GALNTL6: variants seen among roughly 807,000 people sequenced by gnomAD.
GALNTL6 encodes polypeptide N-acetylgalactosaminyltransferase-like 6.
GALNTL6 carries 46 observed loss-of-function variants against 73.7 expected under a neutral mutation model. That is an observed-to-expected ratio of 0.62 (90% CI 0.49 to 0.80). The LOEUF is 0.80. Among genes scored for constraint, GALNTL6 ranks in the 30% least tolerant of loss-of-function variants. The pLI is 0.00. For synonymous variants in GALNTL6, 259 were observed against 263.7 expected, an observed-to-expected ratio of 0.98 and a Z score of 0.17; for missense variants, 604 against 755.0, an observed-to-expected ratio of 0.80 and a Z score of 2.34.
chr4:172,671,564 A>C (rs1248700991), intron 5 of GALNTL6, among the ~76,000 whole-genome samples: 1 of 152,212 alleles, frequency 6.6e-6, no homozygotes, highest in Non-Finnish European at 1.5e-5. Flanking sequence ...TTTTTGGCTG[A>C]GACTACGGGG....
chr4:172,597,193 T>C (rs558614809), intron 5 of GALNTL6, among the ~76,000 whole-genome samples: 1 of 152,284 alleles, frequency 6.6e-6, no homozygotes, highest in East Asian at 1.9e-4. Context: ...ACAAAACTAA[T>C]GGATTTGCTA....
At chr4:172,206,803 C>A (rs28546705) in intron 2 of GALNTL6, among the ~76,000 whole-genome samples, 1 of 13,402 alleles carries the variant, frequency 7.5e-5, no homozygotes, top group African/African-American at 1.6e-4. Context: ...TTTTGTTTTT[C>A]TGTTTTTTTT....
rs533627728 is a variant in GALNTL6, at chr4:172,588,496, A to G, written c.554-220865A>G. Among the ~76,000 whole-genome samples, 8 of 151,786 alleles carry G rather than the reference A, an allele frequency of 5.3e-5. No individual in the cohort carries two copies. In the East Asian group the frequency reaches 1.6e-3, roughly 30 times the overall value. ...GTTGCCCCAGCTACTTGGGAGTCTA[A>G]GGTGCAGGAATCACCTGAGCCCGGG... On this transcript the variant is annotated intron_variant, in intron 5 of 12. Coordinates refer to ENST00000506823, the MANE Select transcript of GALNTL6 (RefSeq NM_001034845.3).
chr4:172,869,803 C>T (rs1489515569), intron 7 of GALNTL6, among the ~76,000 whole-genome samples: 1 of 152,186 alleles, frequency 6.6e-6, no homozygotes, highest in Non-Finnish European at 1.5e-5. Context: ...GAAGTGGACT[C>T]TACCCTCTGC....
chr4:171,955,440 T>C (rs1008372736), intron 2 of GALNTL6, among the ~76,000 whole-genome samples: 5 of 152,042 alleles, frequency 3.3e-5, no homozygotes, highest in South Asian at 2.1e-4. Flanking sequence ...TCATGAAAGA[T>C]TGGCTCCAGG....
chr4:172,658,233 G>A (rs1010696226), intron 5 of GALNTL6, among the ~76,000 whole-genome samples: 7 of 148,548 alleles, frequency 4.7e-5, no homozygotes, highest in Admixed American at 2.0e-4. Context: ...TTGGGAGGCC[G>A]AGACGGGTGG....
At chr4:172,371,959 T>C (rs1742828992) in intron 5 of GALNTL6, among the ~76,000 whole-genome samples, 2 of 152,204 alleles carry the variant, frequency 1.3e-5, no homozygotes, top group Non-Finnish European at 1.5e-5. Flanking sequence ...AGCATGGGCA[T>C]GTAGGATTAG....
chr4:171,963,029 G>T (rs960780056), intron 2 of GALNTL6, among the ~76,000 whole-genome samples: 1 of 150,164 alleles, frequency 6.7e-6, no homozygotes, highest in Non-Finnish European at 1.5e-5. Flanking sequence ...GCCTCCCAAA[G>T]TGCTGGGATT....
chr4:172,104,194 C>T (rs965425988), intron 2 of GALNTL6, among the ~76,000 whole-genome samples: 3 of 152,260 alleles, frequency 2.0e-5, no homozygotes, highest in East Asian at 1.9e-4. Context: ...CCGCCCGCCT[C>T]GGCCTCCCAA....
At chr4:172,448,036 A>G (rs1233134418) in intron 5 of GALNTL6, among the ~76,000 whole-genome samples, 1 of 152,156 alleles carries the variant, frequency 6.6e-6, no homozygotes, top group African/African-American at 2.4e-5. Context: ...TATTTTTTTA[A>G]TGTTTCTAAA....
At chr4:172,206,780 T>C (rs1736126073) in intron 2 of GALNTL6, among the ~76,000 whole-genome samples, 2 of 79,044 alleles carry the variant, frequency 2.5e-5, no homozygotes, top group Non-Finnish European at 5.8e-5. Flanking sequence ...AACGTGTTTT[T>C]TGTTTTGTTT....
chr4:172,421,829 G>T (rs576554220), intron 5 of GALNTL6, among the ~76,000 whole-genome samples: 1 of 152,024 alleles, frequency 6.6e-6, no homozygotes, highest in African/African-American at 2.4e-5. Context: ...CTGAATATTT[G>T]CCCCCAGACA....
chr4:172,090,034 TC>T (rs1172315708), intron 2 of GALNTL6, among the ~76,000 whole-genome samples: 1 of 152,198 alleles, frequency 6.6e-6, no homozygotes, highest in Non-Finnish European at 1.5e-5. Context: ...TATGAACTCA[TC>T]CTTTTTATGG....
intron 7 of GALNTL6, among the ~76,000 whole-genome samples, chr4:172,874,109 A>T (rs1047685716): frequency 1.3e-5 from 2 of 152,236 alleles, no homozygotes; most frequent in Admixed American, 1.3e-4. Context: ...CCCATGAATG[A>T]AAAGTTATAT....
intron 5 of GALNTL6, among the ~76,000 whole-genome samples, chr4:172,471,368 TC>T: frequency 6.6e-6 from 1 of 152,352 alleles, no homozygotes; most frequent in Non-Finnish European, 1.5e-5. Flanking sequence ...AAAACACTAG[TC>T]CTAGATATTT....
At chr4:172,352,537 C>A (rs1452789342) in intron 5 of GALNTL6, among the ~76,000 whole-genome samples, 1 of 152,118 alleles carries the variant, frequency 6.6e-6, no homozygotes, top group Non-Finnish European at 1.5e-5. Flanking sequence ...CTGGGCTTAT[C>A]TCCAAATTCC....
chr4:172,208,630 A>T (rs1736221849), intron 2 of GALNTL6, among the ~76,000 whole-genome samples: 1 of 152,178 alleles, frequency 6.6e-6, no homozygotes. Flanking sequence ...GTCACAAAAC[A>T]GAATTATATA....
intron 5 of GALNTL6, among the ~76,000 whole-genome samples, chr4:172,675,242 G>T (rs1330971016): frequency 1.3e-5 from 2 of 152,146 alleles, no homozygotes; most frequent in East Asian, 3.9e-4. Flanking sequence ...GGGGAGACCA[G>T]TTCTCAGGTC....
chr4:172,575,653 C>T (rs1736933012), intron 5 of GALNTL6, among the ~76,000 whole-genome samples: 1 of 152,160 alleles, frequency 6.6e-6, no homozygotes, highest in Admixed American at 6.5e-5. Context: ...ATTCTACTTT[C>T]TAATATTTTG....
Sources: gnomAD v4.1 joint callset for allele counts (sites outside exome capture counted in the v4.1 genomes callset) on GRCh38, gnomAD v4.1.1 for gene constraint, MANE v1.5 for transcripts, NCBI Gene and HGNC (gene_info 2026-07-23, HGNC 2026-07-21) for gene names.